ZNF638: variants seen among roughly 807,000 people sequenced by gnomAD.
ZNF638 encodes CTCL tumor antigen se33-1.
ZNF638 carries 46 observed loss-of-function variants against 195.6 expected under a neutral mutation model. That is an observed-to-expected ratio of 0.24 (90% CI 0.19 to 0.30). The LOEUF (loss-of-function observed/expected upper bound fraction) is 0.30. Among genes scored for constraint, ZNF638 ranks in the 10% least tolerant of loss-of-function variants. The pLI is 1.00. For synonymous variants in ZNF638, 845 were observed against 772.0 expected (o/e 1.09, Z -1.57); for missense variants, 2,440 against 2,325.3 (o/e 1.05, Z -1.01).
chr2:71,367,560 C>T (rs964430735), intron 6 of ZNF638, among the ~76,000 whole-genome samples: 10 of 151,752 alleles, frequency 6.6e-5, no homozygotes, highest in Admixed American at 4.6e-4. Flanking sequence ...CTGCCTTAGC[C>T]TCCTGAGCAG....
At chr2:71,334,681 TG>T (rs962263975) in intron 1 of ZNF638, 2 of 152,222 alleles carry the variant, frequency 1.3e-5, no homozygotes, top group Non-Finnish European at 2.9e-5. Flanking sequence ...CCCAGCACTT[TG>T]GGAGGCGAGG....
At chr2:71,376,964 TTC>T (rs1229437996) in intron 8 of ZNF638, among the ~76,000 whole-genome samples, 1 of 152,174 alleles carries the variant, frequency 6.6e-6, no homozygotes, top group Non-Finnish European at 1.5e-5. Context: ...ATTCTCATAC[TTC>T]GAAAGTTTTC....
At chr2:71,369,703 T>A (rs941180176) in intron 7 of ZNF638, among the ~76,000 whole-genome samples, 180 bp from the exon 8 acceptor site, 3 of 152,216 alleles carry the variant, frequency 2.0e-5, no homozygotes, top group Non-Finnish European at 4.4e-5. Context: ...AATGTCCATT[T>A]AATGTGTGAA....
chr2:71,423,269 C>T lies in ZNF638; in HGVS notation c.3755C>T (p.Ser1252Phe), dbSNP rs200959738. The change falls in exon 22 of 28, where the codon TCT becomes TTT. Residue 1252 changes from serine to phenylalanine, a missense_variant. This residue lies in a region of ZNF638 where 1,883 missense variants were observed against 1,739.1 expected (regional missense o/e 1.08). Coordinates refer to ENST00000264447, the MANE Select transcript of ZNF638 (RefSeq NM_014497.5). ...CCATCTGAAGCAGAAGATTTCATTT[C>T]TGGAATTACACAGACTATGGTAGAA... ...ESPSEAEDFI[S>F]GITQTMVEAV... 1 of 1,613,970 alleles carries T rather than the reference C, an allele frequency of 6.2e-7. No homozygotes were observed. The highest frequency in any genetic ancestry group is 1.3e-5 in the African/African-American group (1 of 75,018).
At chr2:71,391,894 C>T (rs890977742) in intron 10 of ZNF638, among the ~76,000 whole-genome samples, 4 of 152,100 alleles carry the variant, frequency 2.6e-5, no homozygotes, top group African/African-American at 7.2e-5. Context: ...CATAGATCCA[C>T]GATATTCAGT....
At chr2:71,355,662 T>C (rs1033510964) in intron 2 of ZNF638, 57 bp from the exon 3 acceptor site, 2 of 1,143,536 alleles carry the variant, frequency 1.7e-6, no homozygotes, top group Middle Eastern at 2.3e-4. Flanking sequence ...AAAAGCCTAA[T>C]TCATTAGTCA....
chr2:71,364,018 C>T lies in ZNF638; in HGVS notation c.1483C>T (p.Arg495Cys), dbSNP rs138286919. The change falls in exon 5 of 28, where the codon CGT (arginine) becomes TGT (cysteine). Residue 495 changes from arginine (R) to cysteine (C), a missense_variant. By Grantham distance (180) the Arg-to-Cys change is radical. This residue lies in a region of ZNF638 where 1,883 missense variants were observed against 1,739.1 expected (regional missense o/e 1.08). Transcript: ENST00000264447. ...ACGTTCTCATTCCCCCAGTCCTAGGCGTTCTAGAAGATCAAGCTCAAGTCA... is the reference window on the plus strand; with the variant it reads ...ACGTTCTCATTCCCCCAGTCCTAGGTGTTCTAGAAGATCAAGCTCAAGTCA... ...RRRSHSPSPR[R>C]SRRSSSSHRF... The T allele has an allele frequency of 6.1e-5, 99 of 1,614,146 alleles. No individual in the cohort carries two copies. Among genetic ancestry groups the T allele is most frequent in the Admixed American group, 1.3e-4 (8 of 60,006 alleles).
chr2:71,418,120 A>C (rs980112469), intron 20 of ZNF638: 1 of 152,292 alleles, frequency 6.6e-6, no homozygotes, highest in Non-Finnish European at 1.5e-5. Flanking sequence ...TGGGACCCAC[A>C]TATCAGATAA....
In ZNF638 at chr2:71,355,608, G is replaced by A. The variant is rs542986881; in HGVS notation, c.1318-111G>A. The A allele has an allele frequency of 5.9e-5, 46 of 775,800 alleles. No individual in the cohort carries two copies. The East Asian group carries it at 1.3e-3, about 22-fold the overall frequency. The allele number at this position is 775,800 out of a possible 1,614,324, so 48.1% of individuals were successfully genotyped here. On this transcript the variant is annotated intron_variant, in intron 2 of 27. Transcript: ENST00000264447. ...CTGAGCAGCCAAATGCTATTTATGA[G>A]TACGTTTGTTTAATTTTTGAACAAA...
rs368060752 is a variant in ZNF638, at chr2:71,378,959, G to A, written c.2266-1263G>A. Among the ~76,000 whole-genome samples the A allele has an allele frequency of 7.9e-5, 12 of 152,276 alleles. 1 individual carries two copies. The highest frequency in any genetic ancestry group is 2.4e-4 in the African/African-American group (10 of 41,568). Reference sequence around the variant, plus strand: ...GAGTTAGAAGGTAGGTAGAACATACGTTGTAAACTTTTAGAGGCCATTGTT... The same window carrying A: ...GAGTTAGAAGGTAGGTAGAACATACATTGTAAACTTTTAGAGGCCATTGTT... On this transcript the variant is annotated intron_variant, in intron 8 of 27. Coordinates refer to ENST00000264447, the MANE Select transcript of ZNF638 (RefSeq NM_014497.5).
chr2:71,423,606 T>G lies in ZNF638; in HGVS notation c.4092T>G (p.Asn1364Lys). The change falls in exon 22 of 28, where the codon AAT (asparagine) becomes AAG (lysine). Residue 1364 changes from asparagine (N) to lysine (K), a missense_variant. Coordinates refer to ENST00000264447, the MANE Select transcript of ZNF638 (RefSeq NM_014497.5). ...ACACTTTATTCAAGGCATACCCAAA[T>G]AAAGGAGTGGGTCAGGCTAATAAGC... ...AENTLFKAYP[N>K]KGVGQANKPD... is the part of the protein sequence containing the mutation. 1 of 1,613,890 alleles carries G rather than the reference T, an allele frequency of 6.2e-7. No homozygotes were observed. Among genetic ancestry groups the G allele is most frequent in the Non-Finnish European group, 8.5e-7 (1 of 1,179,988 alleles).
chr2:71,343,271 G>C (rs1442757286), intron 1 of ZNF638, among the ~76,000 whole-genome samples: 1 of 152,118 alleles, frequency 6.6e-6, no homozygotes, highest in Admixed American at 6.5e-5. Context: ...AAGTAGCCTG[G>C]TGACTGTCAT....
intron 5 of ZNF638, among the ~76,000 whole-genome samples, chr2:71,364,513 C>T (rs540961101): frequency 6.6e-6 from 1 of 152,024 alleles, no homozygotes; most frequent in Non-Finnish European, 1.5e-5. Flanking sequence ...TTATAGAATT[C>T]CATGGATTAA....
At chr2:71,366,224 C>A (rs1573056214) in intron 6 of ZNF638, among the ~76,000 whole-genome samples, 1 of 151,778 alleles carries the variant, frequency 6.6e-6, no homozygotes, top group Admixed American at 6.6e-5. Context: ...GCGGCGGGTG[C>A]CAGTAGTCCC....
intron 10 of ZNF638, chr2:71,393,713 T>G: frequency 1.5e-6 from 1 of 674,562 alleles, no homozygotes; most frequent in South Asian, 1.7e-5. Context: ...CCGGCTACAC[T>G]CTATTGGGCT....
chr2:71,370,013 G>T lies in ZNF638; in HGVS notation c.2265+8G>T. ...GGAAAGAAAAAAGCACAGGTAATCTGGATTTAGGTCTTAAATGTTTTATCA... is the reference window on the plus strand; with the variant it reads ...GGAAAGAAAAAAGCACAGGTAATCTTGATTTAGGTCTTAAATGTTTTATCA... On this transcript the variant is annotated splice_region_variant and intron_variant, in intron 8 of 27. Coordinates refer to ENST00000264447, the MANE Select transcript of ZNF638 (RefSeq NM_014497.5). 2 of 1,582,306 alleles carry T rather than the reference G, an allele frequency of 1.3e-6. No individual in the cohort carries two copies. The highest frequency in any genetic ancestry group is 2.0e-5 in the Admixed American group (1 of 50,618).
intron 8 of ZNF638, chr2:71,375,246 T>C (rs1038493312): frequency 2.0e-5 from 3 of 152,188 alleles, no homozygotes; most frequent in African/African-American, 7.2e-5. Flanking sequence ...TTCATTCAGT[T>C]TCAACTAATA....
At chr2:71,380,965 C>G (rs1248683394) in intron 10 of ZNF638, 1 of 155,200 alleles carries the variant, frequency 6.4e-6, no homozygotes, top group Non-Finnish European at 1.4e-5. Flanking sequence ...AGCCAAAAAG[C>G]AAGCAAAAAA....
At chr2:71,382,160 C>T (rs553783490) in intron 10 of ZNF638, among the ~76,000 whole-genome samples, 56 of 152,232 alleles carry the variant, frequency 3.7e-4, no homozygotes, top group African/African-American at 1.3e-3. Context: ...TTATTGATTA[C>T]AATTGGAAAA....
Sources: allele counts gnomAD v4.1 joint callset (sites outside exome capture counted in the v4.1 genomes callset), GRCh38; gene constraint gnomAD v4.1.1; regional missense constraint gnomAD v4.1.1; transcripts MANE v1.5; gene names NCBI Gene and HGNC (gene_info 2026-07-23, HGNC 2026-07-21).